Variants in IL1RAPL2 observed in about 807,000 individuals in gnomAD.
IL1RAPL2 encodes the protein X-linked interleukin-1 receptor accessory protein-like 2.
IL1RAPL2 carries 3 observed loss-of-function variants against 44.1 expected under a neutral mutation model. The observed-to-expected ratio is 0.07, with a 90% CI of 0.03 to 0.18. The LOEUF (loss-of-function observed/expected upper bound fraction) is 0.18. Ranked by LOEUF, IL1RAPL2 falls within the 10% of genes least tolerant of loss-of-function variation. The pLI, the probability that IL1RAPL2 is intolerant of heterozygous loss-of-function variation, is 1.00. For synonymous variants in IL1RAPL2, 181 were observed against 178.8 expected (o/e 1.01, Z -0.10); for missense variants, 391 against 496.4 (o/e 0.79, Z 2.02).
At chrX:105,584,565 T>C in intron 6 of IL1RAPL2, among the ~76,000 whole-genome samples, 1 of 109,276 alleles carries the variant, frequency 9.2e-6, no homozygotes, top group Non-Finnish European at 1.9e-5. Context: ...TGATATGTTG[T>C]CGTTTCTGCT....
At chrX:104,857,217 A>G (rs756194126) in intron 2 of IL1RAPL2, among the ~76,000 whole-genome samples, 2 of 112,140 alleles carry the variant, frequency 1.8e-5, no homozygotes, top group Admixed American at 1.9e-4. Flanking sequence ...TTGACTGCTA[A>G]GTATCTTAAT....
chrX:104,900,437 G>T (rs372632766), intron 2 of IL1RAPL2, among the ~76,000 whole-genome samples: 1 of 111,035 alleles, frequency 9.0e-6, no homozygotes, highest in Non-Finnish European at 1.9e-5. Flanking sequence ...TCTTGAAGGC[G>T]GAGAGTCTCT....
intron 6 of IL1RAPL2, among the ~76,000 whole-genome samples, chrX:105,705,555 A>G (rs1166171236): frequency 9.0e-6 from 1 of 110,668 alleles, no homozygotes; most frequent in African/African-American, 3.3e-5. Context: ...ACTTTGAGAT[A>G]TTTTCCCCAA....
At chrX:104,680,305 A>C (rs1280492223) in intron 2 of IL1RAPL2, among the ~76,000 whole-genome samples, 1 of 111,913 alleles carries the variant, frequency 8.9e-6, no homozygotes, top group Non-Finnish European at 1.9e-5. Flanking sequence ...ATCCCTGGAC[A>C]AGGCTTAAAT....
chrX:104,652,177 C>T (rs746243324), intron 1 of IL1RAPL2, among the ~76,000 whole-genome samples: 32 of 111,815 alleles, frequency 2.9e-4, no homozygotes, highest in Non-Finnish European at 5.1e-4. Context: ...CCTATACTGG[C>T]CAAGCTGCTT....
At chrX:105,038,227 A>G (rs902369389) in intron 2 of IL1RAPL2, among the ~76,000 whole-genome samples, 1 of 110,628 alleles carries the variant, frequency 9.0e-6, no homozygotes, top group African/African-American at 3.3e-5. Context: ...GAGTTCACCA[A>G]TGACCATCAT....
intron 6 of IL1RAPL2, among the ~76,000 whole-genome samples, chrX:105,704,386 T>G (rs1271424147): frequency 8.9e-6 from 1 of 111,751 alleles, no homozygotes; most frequent in Non-Finnish European, 1.9e-5. Context: ...ATAACTGAAT[T>G]GTAATGGTAC....
At position 105,120,658 on chromosome X, in the gene IL1RAPL2, A is replaced by G. The variant is rs372927769; in HGVS notation, c.83-74817A>G. On this transcript the variant is annotated intron_variant, in intron 2 of 10. Transcript: ENST00000372582. ...GGCTGGTTTCTTTGGGCAATATTTC[A>G]CTTCCTGTTTTATCTGTGCTGTCAC... Among the ~76,000 whole-genome samples, 10 of 111,586 alleles carry G rather than the reference A, an allele frequency of 9.0e-5. No individual in the cohort carries two copies. The East Asian group carries it at 1.7e-3, about 19-fold the overall frequency.
At chrX:105,727,494 T>C (rs1347495552) in intron 7 of IL1RAPL2, among the ~76,000 whole-genome samples, 1 of 111,461 alleles carries the variant, frequency 9.0e-6, no homozygotes, top group African/African-American at 3.3e-5. Context: ...TAAGTACTTT[T>C]TGATAATGAG....
intron 6 of IL1RAPL2, among the ~76,000 whole-genome samples, chrX:105,675,493 G>T (rs1428328959): frequency 8.9e-6 from 1 of 112,014 alleles, no homozygotes; most frequent in Non-Finnish European, 1.9e-5. Flanking sequence ...AACAAGACTT[G>T]CATCCTGGGA....
At chrX:104,841,307 A>G (rs1921896615) in intron 2 of IL1RAPL2, among the ~76,000 whole-genome samples, 1 of 111,704 alleles carries the variant, frequency 9.0e-6, no homozygotes, top group Non-Finnish European at 1.9e-5. Flanking sequence ...TGTCTCCTGA[A>G]TACAGAACAC....
intron 5 of IL1RAPL2, among the ~76,000 whole-genome samples, chrX:105,404,525 C>A (rs757026254): frequency 2.7e-5 from 3 of 111,642 alleles, no homozygotes; most frequent in Non-Finnish European, 3.8e-5. Context: ...GTTCTCCCTC[C>A]CCTTTTTTTC....
chrX:105,662,434 TGTGA>T (rs1449579236), intron 6 of IL1RAPL2, among the ~76,000 whole-genome samples: 1 of 111,983 alleles, frequency 8.9e-6, no homozygotes, highest in Non-Finnish European at 1.9e-5. Flanking sequence ...GTGTGACTAA[TGTGA>T]GTATCATCAA....
At chrX:105,354,547 T>C (rs972483258) in intron 5 of IL1RAPL2, among the ~76,000 whole-genome samples, 19 of 108,936 alleles carry the variant, frequency 1.7e-4, no homozygotes, top group African/African-American at 6.4e-4. Flanking sequence ...ATATAGCTAA[T>C]GTTAAATGAC....
intron 2 of IL1RAPL2, among the ~76,000 whole-genome samples, chrX:104,952,816 G>A (rs1322510456): frequency 8.9e-6 from 1 of 112,244 alleles, no homozygotes; most frequent in Non-Finnish European, 1.9e-5. Context: ...TTCAGAAAGA[G>A]CTGTCAACTA....
At chrX:104,875,238 C>G (rs1354135338) in intron 2 of IL1RAPL2, among the ~76,000 whole-genome samples, 1 of 111,112 alleles carries the variant, frequency 9.0e-6, no homozygotes, top group African/African-American at 3.3e-5. Context: ...AAATGTATGG[C>G]TTAGAGACAC....
chrX:105,665,801 C>T (rs1426492850), intron 6 of IL1RAPL2, among the ~76,000 whole-genome samples: 3 of 101,880 alleles, frequency 2.9e-5, no homozygotes, highest in Non-Finnish European at 5.9e-5. Context: ...CTCGCTCTGT[C>T]GCCCAGGCTG....
At chrX:105,142,685 T>A (rs1174663862) in intron 2 of IL1RAPL2, among the ~76,000 whole-genome samples, 2 of 109,844 alleles carry the variant, frequency 1.8e-5, no homozygotes, top group African/African-American at 6.7e-5. Flanking sequence ...CATGCAGGTT[T>A]GTTACATATG....
intron 5 of IL1RAPL2, among the ~76,000 whole-genome samples, chrX:105,352,414 C>T (rs1454158419): frequency 1.8e-5 from 2 of 111,938 alleles, no homozygotes; most frequent in African/African-American, 3.2e-5. Context: ...ATTTCAAAGT[C>T]CTCTGTACTT....
Sources: allele counts gnomAD v4.1 joint callset (sites outside exome capture counted in the v4.1 genomes callset), GRCh38; gene constraint gnomAD v4.1.1; transcripts MANE v1.5; gene names NCBI Gene and HGNC (gene_info 2026-07-23, HGNC 2026-07-21).